MCAM: variants seen among roughly 807,000 people sequenced by gnomAD.
MCAM encodes the protein cell surface glycoprotein MUC18.
Under a neutral mutation model 79.1 loss-of-function variants are expected in MCAM, and 55 were observed. The ratio of observed to expected loss-of-function variants is 0.70; its 90% confidence interval spans 0.56 to 0.87. The LOEUF (loss-of-function observed/expected upper bound fraction) is 0.87. MCAM is among the 40% of genes least tolerant of loss of function. The probability of loss-of-function intolerance (pLI) is 0.00; values close to 1 mark genes in which losing one functional copy is unlikely to be tolerated. For missense variants in MCAM, 745 were observed against 839.8 expected, an observed-to-expected ratio of 0.89 and a Z score of 1.40; for synonymous variants, 330 against 339.8, an observed-to-expected ratio of 0.97 and a Z score of 0.32.
rs1950304473 is a variant in MCAM at position 119,315,761 on chromosome 11, T to G, written c.68-498A>C. 1 of 178,858 alleles carries G rather than the reference T, an allele frequency of 5.6e-6. No homozygotes were observed. The highest frequency in any genetic ancestry group is 2.3e-5 in the African/African-American group (1 of 42,820). 11.1% of individuals were successfully genotyped at this position (178,858 alleles called of 1,614,324 possible). A position where few individuals can be genotyped will look rare whatever the true frequency, so the allele number is the denominator to read the frequency against. ...AACTCTGGCGGAAGTTCCGGTCTCATGCTCCCTCAGCAGCACCTCCATGAA... is the reference window on the plus strand; with the variant it reads ...AACTCTGGCGGAAGTTCCGGTCTCAGGCTCCCTCAGCAGCACCTCCATGAA... On this transcript the variant is annotated intron_variant, in intron 1 of 15. Transcript: ENST00000264036. This position sits in a 1 kb window ranked among gnomAD's most constrained non-coding sequence, Gnocchi z 4.4.
intron 14 of MCAM, 98 bp from the exon 15 acceptor site, chr11:119,310,564 C>A: frequency 9.2e-7 from 1 of 1,086,704 alleles, no homozygotes; most frequent in South Asian, 1.3e-5. Flanking sequence ...GCTCCTTGCT[C>A]CAGGGCCAGC....
chr11:119,313,923 C>G (rs1277526095), intron 5 of MCAM: 2 of 944,524 alleles, frequency 2.1e-6, no homozygotes, highest in Non-Finnish European at 2.5e-6. Flanking sequence ...AACACAGAAG[C>G]CTATATCATT....
At chr11:119,313,057 C>T (rs1950257349) in intron 5 of MCAM, 108 bp from the exon 6 acceptor site, 2 of 1,569,902 alleles carry the variant, frequency 1.3e-6, no homozygotes, top group African/African-American at 2.7e-5. Flanking sequence ...GCCCCCTGTC[C>T]CCTGTAGAAG....
Position 119,310,356 on chromosome 11 carries a change from C to G in MCAM, c.1904G>C (p.Gly635Ala), listed in dbSNP as rs1950212688. ...ACAGGAACCGCCTCCTACCTGGTCT[C>G]CCGGAGCCCTCTTGTCACCGCTGCT... ...QGSSGDKRAP[G>A]DQGEKYIDLR... Residue 635 changes from glycine (G) to alanine (A), a missense_variant, in exon 15 of 16, where the codon GGA becomes GCA. Physicochemically the swap from Gly to Ala is moderately conservative, Grantham distance 60 (BLOSUM62 0). Transcript: ENST00000264036. 1.2e-6 allele frequency: 2 copies of G among 1,611,540 alleles called. No homozygotes were observed. The highest frequency in any genetic ancestry group is 2.2e-5 in the South Asian group (2 of 91,036).
rs1950248351 is a variant in MCAM at position 119,312,464 on chromosome 11, C to T, written c.862-36G>A. The T allele has an allele frequency of 6.2e-7, 1 of 1,613,480 alleles. No individual in the cohort carries two copies. On this transcript the variant is annotated intron_variant, in intron 7 of 15. Transcript: ENST00000264036. The surrounding 1 kb of genome is among the most constrained non-coding windows in gnomAD (Gnocchi z 4.9). Reference sequence around the variant, plus strand: ...TTGGGGAGGTGAGCAGAGTGCACCTCCCGCCACTCCACCTGGGTCTCTGCT... The same window carrying T: ...TTGGGGAGGTGAGCAGAGTGCACCTTCCGCCACTCCACCTGGGTCTCTGCT...
At position 119,311,904 on chromosome 11, in the gene MCAM, G is replaced by C; in HGVS notation, c.1189C>G (p.Leu397Val). 3 of 1,614,076 alleles carry C rather than the reference G, an allele frequency of 1.9e-6. No individual in the cohort carries two copies. Among genetic ancestry groups the C allele is most frequent in the Non-Finnish European group, 1.7e-6 (2 of 1,180,014 alleles). The change falls in exon 10 of 16, where the codon CTG (leucine) becomes GTG (valine). Residue 397 changes from leucine (L) to valine (V), a missense_variant. Transcript: ENST00000264036. The surrounding 1 kb of genome is among the most constrained non-coding windows in gnomAD (Gnocchi z 4.4). ...ERGPVLQLHD[L>V]KREAGGGYRC... ...TAGCCGCCTCCTGCCTCCCGTTTCA[G>C]GTCATGCAACTGAAGCACAGGCCCC...
Position 119,312,586 on chromosome 11 carries a change from C to G in MCAM, c.802G>C (p.Val268Leu). Residue 268 changes from valine (V) to leucine (L), a missense_variant, in exon 7 of 16, where the codon GTG (valine) becomes CTG (leucine). By Grantham distance (32) the Val-to-Leu change is conservative. Transcript: ENST00000264036. This position sits in a 1 kb window ranked among gnomAD's most constrained non-coding sequence, Gnocchi z 4.9. Reference protein sequence around the residue: ...PVGMLKEGDRVEIRCLADGNP... With the variant: ...PVGMLKEGDRLEIRCLADGNP... ...CCATCAGCCAAACACCTGATTTCCA[C>G]GCGGTCCCCTTCCTTCAGCATTCCC... 1 of 1,614,186 alleles carries G rather than the reference C, an allele frequency of 6.2e-7. No homozygotes were observed. Among genetic ancestry groups the G allele is most frequent in the Non-Finnish European group, 8.5e-7 (1 of 1,180,036 alleles).
At position 119,312,806 on chromosome 11, in the gene MCAM, T is replaced by C. The variant is rs1212462381; in HGVS notation, c.703A>G (p.Met235Val). The change falls in exon 6 of 16, where the codon ATG becomes GTG. Residue 235 changes from methionine to valine, a missense_variant. Coordinates refer to ENST00000264036, the MANE Select transcript of MCAM (RefSeq NM_006500.3). The surrounding 1 kb of genome is among the most constrained non-coding windows in gnomAD (Gnocchi z 4.9). ...LNYRLPSGNH[M>V]KESREVTVPV... ...ACGGTGACTTCCCTGGACTCCTTCA[T>C]GTGGTTCCCACTGGGCAGCCGGTAG... 3.7e-6 allele frequency: 6 copies of C among 1,614,090 alleles called. No individual in the cohort carries two copies. The Admixed American group carries it at 1.0e-4, about 27-fold the overall frequency.
Position 119,311,814 on chromosome 11 carries a change from T to C in MCAM, c.1279A>G (p.Ile427Val). 6.2e-7 allele frequency: 1 copy of C among 1,613,970 alleles called. No homozygotes were observed. Reference protein sequence around the residue: ...LNRTQLVNVAIFGPPWMAFKE... With the variant: ...LNRTQLVNVAVFGPPWMAFKE... Reference sequence around the variant, plus strand: ...CCCAGAGGGAGGGCCTCACCAAAAATGGCCACGTTGACCAGCTGTGTGCGG... The same window carrying C: ...CCCAGAGGGAGGGCCTCACCAAAAACGGCCACGTTGACCAGCTGTGTGCGG... The change falls in exon 10 of 16, where the codon ATT becomes GTT. Residue 427 changes from isoleucine (I) to valine (V), a missense_variant. Transcript: ENST00000264036. The surrounding 1 kb of genome is among the most constrained non-coding windows in gnomAD (Gnocchi z 4.4).
In MCAM at chr11:119,311,515, G is replaced by A. The variant is rs1489627658; in HGVS notation, c.1407+15C>T. ...CAGGGATTAGGAGAGTGTGGCAGAT[G>A]AGACACCCGCTCACCGTGCCGTTGA... is the stretch of plus-strand genomic sequence containing the variant. On this transcript the variant is annotated intron_variant, in intron 11 of 15. Transcript: ENST00000264036. This position sits in a 1 kb window ranked among gnomAD's most constrained non-coding sequence, Gnocchi z 4.4. The A allele has an allele frequency of 6.2e-7, 1 of 1,614,142 alleles. No individual in the cohort carries two copies. Among genetic ancestry groups the A allele is most frequent in the South Asian group, 1.1e-5 (1 of 91,088 alleles).
Position 119,315,221 on chromosome 11 carries a change from T to A in MCAM, c.110A>T (p.Glu37Val). 1 of 1,612,522 alleles carries A rather than the reference T, an allele frequency of 6.2e-7. No homozygotes were observed. The change falls in exon 2 of 16, where the codon GAG (glutamate) becomes GTG (valine). Residue 37 changes from glutamate to valine, a missense_variant. Coordinates refer to ENST00000264036, the MANE Select transcript of MCAM (RefSeq NM_006500.3). This position sits in a 1 kb window ranked among gnomAD's most constrained non-coding sequence, Gnocchi z 4.4. Reference sequence around the variant, plus strand: ...AAGGGCTGTGCTGCCCACTTCCACCTCCACCAGCTCAGGCGCAGGCTGCTC... The same window carrying A: ...AAGGGCTGTGCTGCCCACTTCCACCACCACCAGCTCAGGCGCAGGCTGCTC... ...EAEQPAPELV[E>V]VEVGSTALLK...
chr11:119,313,272 G>T, intron 5 of MCAM: 1 of 1,365,182 alleles, frequency 7.3e-7, no homozygotes, highest in African/African-American at 1.5e-5. Context: ...TGGAAAACTT[G>T]GCAGTAAGCA....
intron 5 of MCAM, 74 bp from the exon 6 acceptor site, chr11:119,313,023 G>T: frequency 6.2e-7 from 1 of 1,603,516 alleles, no homozygotes; most frequent in Non-Finnish European, 8.5e-7. Flanking sequence ...TGTCCACTGG[G>T]GTTGGCAGGG....
In MCAM at chr11:119,310,908, G is replaced by A. The variant is rs530538064; in HGVS notation, c.1646-5C>T. ...CCGGCTCCGGCAGCTTTCTCTCTGC[G>A]CCACAAAGACACTCCTCGTCACTCC... On this transcript the variant is annotated splice_polypyrimidine_tract_variant and splice_region_variant and intron_variant, in intron 13 of 15. Coordinates refer to ENST00000264036, the MANE Select transcript of MCAM (RefSeq NM_006500.3). 9.8e-5 allele frequency: 158 copies of A among 1,614,078 alleles called. No individual in the cohort carries two copies. The South Asian group carries it at 1.6e-3, about 16-fold the overall frequency.
chr11:119,310,472 AGGAG>A lies in MCAM; in HGVS notation c.1794-10_1794-7del. ...TACGAGACGGGGGTAGCGTGCTGGG[AGGAG>A]GGAGGGAGGTGAGAGGTTGGTATCT... On this transcript the variant is annotated splice_polypyrimidine_tract_variant and splice_region_variant and intron_variant, in intron 14 of 15. Transcript: ENST00000264036. 13 of 1,571,232 alleles carry A rather than the reference AGGAG, an allele frequency of 8.3e-6. No homozygotes were observed. Among genetic ancestry groups the A allele is most frequent in the Non-Finnish European group, 1.1e-5 (13 of 1,141,340 alleles).
At chr11:119,310,500 C>A in intron 14 of MCAM, 34 bp from the exon 15 acceptor site, 1 of 1,396,348 alleles carries the variant, frequency 7.2e-7, no homozygotes, top group East Asian at 2.3e-5. Context: ...AGGTTGGTAT[C>A]TCAGGGCCAC....
chr11:119,317,118 G>A lies in MCAM; in HGVS notation c.-17C>T, dbSNP rs780772851. The A allele has an allele frequency of 6.6e-6, 10 of 1,520,240 alleles. No individual in the cohort carries two copies. Among genetic ancestry groups the A allele is most frequent in the Admixed American group, 2.0e-5 (1 of 49,948 alleles). The allele number at this position is 1,520,240 out of a possible 1,614,324, so 94.2% of individuals were successfully genotyped here. A position where few individuals can be genotyped will look rare whatever the true frequency, so the allele number is the denominator to read the frequency against. ...AAGCCCCATGCTTCCCGGCCGGAGG[G>A]CGAGAGCCAAGTGAGCAGCTCGAGG... On this transcript the variant is annotated 5_prime_UTR_variant, in exon 1 of 16. Coordinates refer to ENST00000264036, the MANE Select transcript of MCAM (RefSeq NM_006500.3). This position sits in a 1 kb window ranked among gnomAD's most constrained non-coding sequence, Gnocchi z 6.2.
chr11:119,315,000 T>C lies in MCAM; in HGVS notation c.233A>G (p.Gln78Arg). The part of the protein sequence containing the change: ...EKRTLIFRVR[Q>R]GQGQSEPGEY... Reference sequence around the variant, plus strand: ...CCCAGGTTCGCTCTGGCCCTGGCCCTGGCGCACACGGAAGATGAGCGTCCG... The same window carrying C: ...CCCAGGTTCGCTCTGGCCCTGGCCCCGGCGCACACGGAAGATGAGCGTCCG... The change falls in exon 3 of 16, where the codon CAG (glutamine) becomes CGG (arginine). Residue 78 changes from glutamine to arginine, a missense_variant. Physicochemically the swap from Gln to Arg is conservative, Grantham distance 43. Coordinates refer to ENST00000264036, the MANE Select transcript of MCAM (RefSeq NM_006500.3). 6.2e-7 allele frequency: 1 copy of C among 1,609,790 alleles called. No homozygotes were observed.
At chr11:119,310,682 G>T in intron 14 of MCAM, 74 bp downstream of exon 14, 1 of 1,516,818 alleles carries the variant, frequency 6.6e-7, no homozygotes, top group Non-Finnish European at 9.0e-7. Context: ...CTGTCAAGGG[G>T]CAGGCGGGCG....
Sources: allele counts gnomAD v4.1 joint callset, GRCh38; gene constraint gnomAD v4.1.1; non-coding constraint Gnocchi (gnomAD v3.1); transcripts MANE v1.5; gene names NCBI Gene and HGNC (gene_info 2026-07-23, HGNC 2026-07-21).